The following CHD9 variants were observed in gnomAD, a reference collection of about 807,000 sequenced individuals.
The protein encoded by CHD9 is ATP-dependent chromatin remodeler CHD9.
In CHD9, 77 loss-of-function variants were observed where a neutral mutation model predicts 316.1. That is an observed-to-expected ratio of 0.24 (90% confidence interval 0.20 to 0.29). The LOEUF (loss-of-function observed/expected upper bound fraction) is 0.29, where lower values mean the gene tolerates loss of function less well. Ranked by LOEUF, CHD9 falls within the 10% of genes least tolerant of loss-of-function variation. CHD9 has a pLI of 1.00. For missense variants in CHD9, 2,763 were observed against 3,438.1 expected (o/e 0.80, Z 4.91); for synonymous variants, 1,129 against 1,158.3 (o/e 0.97, Z 0.51).
At chr16:53,162,882 T>C (rs1189429669) in intron 2 of CHD9, among the ~76,000 whole-genome samples, 1 of 150,788 alleles carries the variant, frequency 6.6e-6, no homozygotes, top group African/African-American at 2.4e-5. Flanking sequence ...TCTCCTGGAC[T>C]CAAGCAGTTC....
chr16:53,254,511 A>G lies in CHD9; in HGVS notation c.3935A>G (p.Tyr1312Cys), dbSNP rs201793277. The G allele has an allele frequency of 1.2e-6, 2 of 1,613,152 alleles. No homozygotes were observed. Among genetic ancestry groups the G allele is most frequent in the Non-Finnish European group, 8.5e-7 (1 of 1,179,436 alleles). ...TACAGACTGGTAACTCGTAACTCAT[A>G]TGAGAGAGAGATGTTTGACCGAGCC... ...KVYRLVTRNS[Y>C]EREMFDRASL... The change falls in exon 18 of 39, where the codon TAT becomes TGT. Residue 1312 changes from tyrosine to cysteine, a missense_variant. By Grantham distance (194) the Tyr-to-Cys change is radical. This residue lies in a region of CHD9 where 199 missense variants were observed against 251.7 expected (regional missense o/e 0.79). Coordinates refer to ENST00000447540, the MANE Select transcript of CHD9 (RefSeq NM_001308319.2).
intron 20 of CHD9, among the ~76,000 whole-genome samples, chr16:53,265,163 G>A (rs2152996162): frequency 6.6e-6 from 1 of 152,252 alleles, no homozygotes; most frequent in Non-Finnish European, 1.5e-5. Flanking sequence ...CACTTCAGGA[G>A]GCTGAGGCAG....
chr16:53,217,765 T>G (rs1252189740), intron 3 of CHD9, among the ~76,000 whole-genome samples: 1 of 151,980 alleles, frequency 6.6e-6, no homozygotes, highest in Non-Finnish European at 1.5e-5. Context: ...GATCATTTTA[T>G]TTAAAAAAAA....
At position 53,156,390 on chromosome 16, in the gene CHD9, AATTGT is replaced by A; in HGVS notation, c.302_306del (p.Asn101IlefsTer52). 1 of 1,613,992 alleles carries A rather than the reference AATTGT, an allele frequency of 6.2e-7. No homozygotes were observed. Among genetic ancestry groups the A allele is most frequent in the Non-Finnish European group, 8.5e-7 (1 of 1,179,880 alleles). On this transcript the variant is annotated frameshift_variant, in exon 2 of 39. Transcript: ENST00000447540. LOFTEE classifies it high-confidence loss of function. ...TGTGTTATCTCCACACTCTCAGTTT[AATTGT>A]TCTCCAATCCATCCCCAAAACCAAC...
chr16:53,086,355 C>T (rs575804165), intron 1 of CHD9, among the ~76,000 whole-genome samples: 41 of 152,264 alleles, frequency 2.7e-4, no homozygotes, highest in South Asian at 4.2e-4. Context: ...GGGTCTGTGC[C>T]GCACCAATTA....
At chr16:53,178,427 C>CTTTTTTTTTTTTTTTTT (rs10569589) in intron 2 of CHD9, among the ~76,000 whole-genome samples, 5 of 98,970 alleles carry the variant, frequency 5.1e-5, no homozygotes, top group Non-Finnish European at 8.2e-5. Flanking sequence ...TTGTTGGTTT[C>CTTTTTTTTTTTTTTTTT]TTTTTTTTTT....
intron 3 of CHD9, among the ~76,000 whole-genome samples, chr16:53,211,081 T>C (rs1282275428): frequency 1.3e-5 from 2 of 152,036 alleles, no homozygotes; most frequent in African/African-American, 4.8e-5. Context: ...TAATTAAGGG[T>C]TTCCAGTTTT....
intron 1 of CHD9, among the ~76,000 whole-genome samples, chr16:53,090,314 G>A (rs1202268324): frequency 5.9e-5 from 9 of 152,210 alleles, no homozygotes; most frequent in Admixed American, 5.9e-4. Flanking sequence ...GGATGGGGCT[G>A]AGCTGATCAT....
intron 2 of CHD9, among the ~76,000 whole-genome samples, chr16:53,162,393 A>C (rs1036065670): frequency 6.6e-6 from 1 of 152,222 alleles, no homozygotes; most frequent in Non-Finnish European, 1.5e-5. Context: ...GAATTTTGAG[A>C]GAATAATACT....
At chr16:53,158,222 T>C (rs2041657439) in intron 2 of CHD9, among the ~76,000 whole-genome samples, 1 of 152,188 alleles carries the variant, frequency 6.6e-6, no homozygotes, top group South Asian at 2.1e-4. Context: ...TTCTCCATTT[T>C]AATAACCCAG....
At chr16:53,195,615 C>A (rs2044840131) in intron 2 of CHD9, among the ~76,000 whole-genome samples, 1 of 152,050 alleles carries the variant, frequency 6.6e-6, no homozygotes, top group Admixed American at 6.6e-5. Context: ...CTTGTTTCTT[C>A]AAGGCCAGCA....
At chr16:53,058,964 C>A (rs1287956363) in intron 1 of CHD9, among the ~76,000 whole-genome samples, 1 of 152,114 alleles carries the variant, frequency 6.6e-6, no homozygotes, top group Non-Finnish European at 1.5e-5. Context: ...CTCGAGGGAT[C>A]CTCCCACCCA....
chr16:53,077,530 T>C (rs769507549), intron 1 of CHD9, among the ~76,000 whole-genome samples: 1 of 152,026 alleles, frequency 6.6e-6, no homozygotes, highest in Non-Finnish European at 1.5e-5. Flanking sequence ...GGTTTCACCA[T>C]GTTAGCCAGG....
At chr16:53,110,674 A>G (rs974737047) in intron 1 of CHD9, among the ~76,000 whole-genome samples, 10 of 152,202 alleles carry the variant, frequency 6.6e-5, no homozygotes, top group African/African-American at 2.4e-4. Context: ...AGGCAGGAGA[A>G]TCGCTTGAAC....
intron 3 of CHD9, among the ~76,000 whole-genome samples, chr16:53,217,011 C>T (rs996652877): frequency 6.6e-6 from 1 of 152,130 alleles, no homozygotes; most frequent in African/African-American, 2.4e-5. Context: ...TTTTAATAAT[C>T]CTGTTAACCA....
At chr16:53,267,537 T>C in intron 21 of CHD9, 47 bp downstream of exon 21, 1 of 1,336,626 alleles carries the variant, frequency 7.5e-7, no homozygotes, top group Non-Finnish European at 1.0e-6. Flanking sequence ...TGGTATGTAA[T>C]GTTACAGAAA....
chr16:53,142,486 GT>G (rs2040198155), intron 1 of CHD9, among the ~76,000 whole-genome samples: 1 of 152,122 alleles, frequency 6.6e-6, no homozygotes, highest in African/African-American at 2.4e-5. Context: ...AGGTTTGTTT[GT>G]TTTTTGTAGA....
rs559837597 is a variant in CHD9, at chr16:53,275,765, T to G, written c.4967+1463T>G. ...CCTGCCACCAAATCTAAAATTTAAT[T>G]TTTCTGTACTCAGTCTTTTCTTCTT... On this transcript the variant is annotated intron_variant, in intron 24 of 38. Coordinates refer to ENST00000447540, the MANE Select transcript of CHD9 (RefSeq NM_001308319.2). Among the ~76,000 whole-genome samples the G allele has an allele frequency of 2.1e-4, 32 of 152,262 alleles. No individual in the cohort carries two copies. The South Asian group carries it at 6.4e-3, about 31-fold the overall frequency.
chr16:53,218,831 C>T (rs1057373653), intron 3 of CHD9, among the ~76,000 whole-genome samples: 1 of 152,028 alleles, frequency 6.6e-6, no homozygotes, highest in Admixed American at 6.5e-5. Context: ...GTGTTGTTCT[C>T]ATCTACAAAC....
Sources: allele counts gnomAD v4.1 joint callset (sites outside exome capture counted in the v4.1 genomes callset), GRCh38; gene constraint gnomAD v4.1.1; regional missense constraint gnomAD v4.1.1; transcripts MANE v1.5; gene names NCBI Gene and HGNC (gene_info 2026-07-23, HGNC 2026-07-21).